CDH18: variants seen among roughly 807,000 people sequenced by gnomAD.
The protein encoded by CDH18 is cadherin-18.
Under a neutral mutation model 67.9 loss-of-function variants are expected in CDH18, and 31 were observed. The observed-to-expected ratio is 0.46, with a 90% CI of 0.34 to 0.62. CDH18 has a LOEUF of 0.62. Ranked by LOEUF, CDH18 falls within the 20% of genes least tolerant of loss-of-function variation. The pLI is 0.01. For synonymous variants in CDH18, 362 were observed against 347.2 expected, an observed-to-expected ratio of 1.04 and a Z score of -0.48; for missense variants, 890 against 975.5, an observed-to-expected ratio of 0.91 and a Z score of 1.17.
Position 20,046,980 on chromosome 5 carries a change from TG to T in CDH18, c.-517-54967del, listed in dbSNP as rs1454347943. Among the ~76,000 whole-genome samples the T allele has an allele frequency of 8.6e-5, 13 of 152,018 alleles. No homozygotes were observed. The East Asian group carries it at 2.3e-3, about 27-fold the overall frequency. ...GTAACTAACCTGCACGTTGTGCACA[TG>T]TACCCTAAAACTTAAAGTATAATAC... On this transcript the variant is annotated intron_variant, in intron 2 of 14. Transcript: ENST00000507958.
intron 1 of CDH18, among the ~76,000 whole-genome samples, chr5:20,518,752 A>G (rs1306685740): frequency 2.0e-5 from 3 of 152,176 alleles, no homozygotes; most frequent in Non-Finnish European, 2.9e-5. Context: ...TATCCGTCGT[A>G]TTCAGAAGTC....
At position 20,468,793 on chromosome 5, in the gene CDH18, C is replaced by T. The variant is rs563841994; in HGVS notation, c.-580+106669G>A. 1.4e-4 allele frequency among the ~76,000 whole-genome samples: 21 copies of T among 152,158 alleles called. No homozygotes were observed. In the South Asian group the frequency reaches 2.7e-3, roughly 20 times the overall value. Reference sequence around the variant, plus strand: ...TTATATAGCAAAACCATTGATTGAACGGTTGTGTTAAGTAGGGAACATATA... The same window carrying T: ...TTATATAGCAAAACCATTGATTGAATGGTTGTGTTAAGTAGGGAACATATA... On this transcript the variant is annotated intron_variant, in intron 1 of 14. Coordinates refer to the CDH18 transcript ENST00000507958.
At chr5:20,073,583 T>C (rs138407139) in intron 2 of CDH18, among the ~76,000 whole-genome samples, 2 of 152,202 alleles carry the variant, frequency 1.3e-5, no homozygotes, top group South Asian at 2.1e-4. Context: ...ATATTTTATA[T>C]TCTGCAGAGG....
intron 3 of CDH18, among the ~76,000 whole-genome samples, chr5:19,756,678 G>A (rs1771649482): frequency 6.6e-6 from 1 of 152,200 alleles, no homozygotes; most frequent in African/African-American, 2.4e-5. Context: ...TTAAAGGTAG[G>A]AGAAGCCTAA....
intron 1 of CDH18, among the ~76,000 whole-genome samples, chr5:20,482,548 A>G (rs1332478348): frequency 6.6e-6 from 1 of 152,144 alleles, no homozygotes; most frequent in African/African-American, 2.4e-5. Flanking sequence ...AATTGAGTTG[A>G]ACAATACAGT....
intron 2 of CDH18, among the ~76,000 whole-genome samples, chr5:19,843,299 G>A (rs1334781084): frequency 6.6e-6 from 1 of 152,208 alleles, no homozygotes; most frequent in Admixed American, 6.5e-5. Context: ...TCTCAGCCAT[G>A]GGTAAAAGAG....
chr5:20,278,264 G>A (rs539877387), intron 1 of CDH18, among the ~76,000 whole-genome samples: 9 of 151,928 alleles, frequency 5.9e-5, no homozygotes, highest in African/African-American at 1.7e-4. Flanking sequence ...AAAGCAGCAA[G>A]AGAAAAGAAA....
chr5:19,516,912 G>C (rs1385390137), intron 10 of CDH18, among the ~76,000 whole-genome samples: 4 of 151,542 alleles, frequency 2.6e-5, no homozygotes, highest in Non-Finnish European at 5.9e-5. Flanking sequence ...TTCCAGTCTG[G>C]GTTTTTTATA....
intron 1 of CDH18, among the ~76,000 whole-genome samples, chr5:20,398,402 C>A (rs1422448647): frequency 6.6e-6 from 1 of 151,960 alleles, no homozygotes; most frequent in East Asian, 1.9e-4. Flanking sequence ...AGTGATTCAA[C>A]CTATAAAATG....
At chr5:19,874,634 C>T (rs564641045) in intron 2 of CDH18, among the ~76,000 whole-genome samples, 1 of 152,162 alleles carries the variant, frequency 6.6e-6, no homozygotes, top group Non-Finnish European at 1.5e-5. Flanking sequence ...GACTTTAATA[C>T]ATTTTAGAAA....
intron 2 of CDH18, among the ~76,000 whole-genome samples, chr5:20,197,196 G>C (rs181068209): frequency 6.6e-6 from 1 of 152,194 alleles, no homozygotes; most frequent in East Asian, 1.9e-4. Flanking sequence ...TATTTTAGTA[G>C]AGATGGGGTT....
intron 1 of CDH18, among the ~76,000 whole-genome samples, chr5:20,406,708 A>G (rs1048155711): frequency 3.9e-5 from 6 of 152,196 alleles, no homozygotes; most frequent in African/African-American, 7.2e-5. Context: ...ATTTATCTTA[A>G]GAATGATTAA....
chr5:20,262,274 T>G (rs188579059), intron 1 of CDH18, among the ~76,000 whole-genome samples: 223 of 152,306 alleles, frequency 1.5e-3, no homozygotes, highest in Non-Finnish European at 1.7e-3. Context: ...GCTAATTATG[T>G]TTGTAAGTGA....
chr5:19,880,931 C>T (rs1325298412), intron 2 of CDH18, among the ~76,000 whole-genome samples: 1 of 152,124 alleles, frequency 6.6e-6, no homozygotes, highest in African/African-American at 2.4e-5. Flanking sequence ...ACTCTGTTGG[C>T]TGTAATTGTT....
chr5:19,853,245 C>G (rs1219805162), intron 2 of CDH18, among the ~76,000 whole-genome samples: 1 of 152,038 alleles, frequency 6.6e-6, no homozygotes, highest in Non-Finnish European at 1.5e-5. Flanking sequence ...TCCCTATGCC[C>G]CACATGGCCT....
At chr5:19,829,094 T>C (rs902946220) in intron 3 of CDH18, among the ~76,000 whole-genome samples, 2 of 151,604 alleles carry the variant, frequency 1.3e-5, no homozygotes, top group African/African-American at 4.8e-5. Context: ...GAAAAATCCA[T>C]AGTGATCAAC....
intron 1 of CDH18, among the ~76,000 whole-genome samples, chr5:20,472,773 T>A (rs932957883): frequency 1.3e-5 from 2 of 152,218 alleles, no homozygotes; most frequent in African/African-American, 4.8e-5. Flanking sequence ...TATTACTCTG[T>A]ACCATTTTAT....
intron 5 of CDH18, among the ~76,000 whole-genome samples, chr5:19,658,468 A>G (rs1324167920): frequency 6.6e-6 from 1 of 152,076 alleles, no homozygotes; most frequent in Non-Finnish European, 1.5e-5. Context: ...TCTATTTCCA[A>G]TACTTCAGAG....
intron 5 of CDH18, among the ~76,000 whole-genome samples, chr5:19,654,887 G>A (rs917787853): frequency 4.6e-5 from 7 of 152,124 alleles, no homozygotes; most frequent in African/African-American, 1.7e-4. Flanking sequence ...ACCATCCCCT[G>A]CTGAATTACT....
Sources: allele counts gnomAD v4.1 joint callset (sites outside exome capture counted in the v4.1 genomes callset), GRCh38; gene constraint gnomAD v4.1.1; transcripts MANE v1.5; gene names NCBI Gene and HGNC (gene_info 2026-07-23, HGNC 2026-07-21).